MYCBP2: variants seen among roughly 807,000 people sequenced by gnomAD.
The protein encoded by MYCBP2 is E3 ubiquitin-protein ligase MYCBP2.
A neutral mutation model predicts 525.3 loss-of-function variants in MYCBP2; 120 were observed. That is an observed-to-expected ratio of 0.23 (90% CI 0.20 to 0.27). MYCBP2 has a LOEUF of 0.27. Ranked by LOEUF, MYCBP2 falls within the 10% of genes least tolerant of loss-of-function variation. MYCBP2 has a pLI of 1.00. For missense variants in MYCBP2, 4,149 were observed against 5,657.1 expected (o/e 0.73, Z 8.55); for synonymous variants, 1,894 against 1,955.8 (o/e 0.97, Z 0.83).
intron 33 of MYCBP2, 118 bp downstream of exon 33, chr13:77,181,583 C>A: frequency 1.7e-6 from 1 of 599,376 alleles, no homozygotes. Flanking sequence ...AAGCACCAAG[C>A]TAAATACGCT....
chr13:77,256,303 T>C lies in MYCBP2; in HGVS notation c.2176+1368A>G, dbSNP rs781758457. ...AAACATGTCGTGTAACAGCAGCTAATAAAAAAATGTTTGGAAAAGACTTTT... is the reference window on the plus strand; with the variant it reads ...AAACATGTCGTGTAACAGCAGCTAACAAAAAAATGTTTGGAAAAGACTTTT... On this transcript the variant is annotated intron_variant, in intron 14 of 82. Coordinates refer to ENST00000544440, the MANE Select transcript of MYCBP2 (RefSeq NM_015057.5). Among the ~76,000 whole-genome samples the C allele has an allele frequency of 9.7e-4, 147 of 151,970 alleles. 1 individual carries two copies. Among genetic ancestry groups the C allele is most frequent in the Non-Finnish European group, 1.0e-3 (68 of 67,900 alleles).
At chr13:77,287,728 G>A (rs994984146) in intron 3 of MYCBP2, among the ~76,000 whole-genome samples, 2 of 151,992 alleles carry the variant, frequency 1.3e-5, no homozygotes, top group Admixed American at 6.5e-5. Flanking sequence ...AAATAAAAAC[G>A]CATACCTGCA....
At chr13:77,133,932 C>T (rs1039983219) in intron 52 of MYCBP2, among the ~76,000 whole-genome samples, 3 of 152,140 alleles carry the variant, frequency 2.0e-5, no homozygotes, top group Admixed American at 2.0e-4. Context: ...AGAACTTCAC[C>T]CCATGTTATT....
Position 77,058,589 on chromosome 13 carries a change from G to GT in MYCBP2, c.13141-184dup, listed in dbSNP as rs879572640. ...AATATAAATTAGGCTTCTTAACAAA[G>GT]TTTTTTTTTTTTGATGCGATTTTTA... On this transcript the variant is annotated intron_variant, in intron 77 of 82. Coordinates refer to ENST00000544440, the MANE Select transcript of MYCBP2 (RefSeq NM_015057.5). This position sits in a 1 kb window ranked among gnomAD's most constrained non-coding sequence, Gnocchi z 4.1. Among the ~76,000 whole-genome samples the GT allele has an allele frequency of 2.0e-3, 284 of 144,882 alleles. No homozygotes were observed. Among genetic ancestry groups the GT allele is most frequent in the Admixed American group, 3.5e-3 (50 of 14,478 alleles).
chr13:77,147,858 G>A (rs1474460365), intron 47 of MYCBP2, among the ~76,000 whole-genome samples: 1 of 152,056 alleles, frequency 6.6e-6, no homozygotes, highest in African/African-American at 2.4e-5. Flanking sequence ...ATCTGTGAAT[G>A]GTTGATAAGG....
At chr13:77,202,403 C>T (rs1256027109) in intron 26 of MYCBP2, among the ~76,000 whole-genome samples, 1 of 152,190 alleles carries the variant, frequency 6.6e-6, no homozygotes, top group Non-Finnish European at 1.5e-5. Flanking sequence ...CAATAATCAA[C>T]AGCTTACCAA....
chr13:77,310,077 A>T (rs909806743), intron 1 of MYCBP2, among the ~76,000 whole-genome samples: 4 of 152,138 alleles, frequency 2.6e-5, no homozygotes, highest in African/African-American at 9.7e-5. Context: ...GCCCCACTGC[A>T]CTCCAGCCTG....
chr13:77,098,535 A>G lies in MYCBP2; in HGVS notation c.8619T>C (p.Ser2873=). 6.2e-7 allele frequency: 1 copy of G among 1,613,692 alleles called. No individual in the cohort carries two copies. Among genetic ancestry groups the G allele is most frequent in the Non-Finnish European group, 8.5e-7 (1 of 1,179,830 alleles). ...GGAGGGTATCTGGATCAAGTGTGTA[A>G]GAGTCTGATTTAGAACGTTCCCGAG... is the stretch of plus-strand genomic sequence containing the variant. The part of the protein sequence containing the change: ...DPPRERSKSD[S]YTLDPDTLRK... The change falls in exon 56 of 83, where the codon TCT becomes TCC. Residue 2873 remains serine (S), a synonymous_variant. Coordinates refer to ENST00000544440, the MANE Select transcript of MYCBP2 (RefSeq NM_015057.5).
At chr13:77,103,494 G>A (rs1463094109) in intron 55 of MYCBP2, among the ~76,000 whole-genome samples, 1 of 152,000 alleles carries the variant, frequency 6.6e-6, no homozygotes, top group Non-Finnish European at 1.5e-5. Context: ...AACAAAGGTC[G>A]AATTAATTAA....
At chr13:77,246,529 A>T (rs1379009291) in intron 15 of MYCBP2, among the ~76,000 whole-genome samples, 2 of 150,776 alleles carry the variant, frequency 1.3e-5, no homozygotes, top group African/African-American at 4.9e-5. Context: ...AGAAGGAGGA[A>T]AAGAAGGAGA....
intron 23 of MYCBP2, among the ~76,000 whole-genome samples, chr13:77,210,735 GAATTCTATAC>G (rs1250981126): frequency 6.6e-6 from 1 of 152,048 alleles, no homozygotes; most frequent in African/African-American, 2.4e-5. Context: ...AAAATAGAAT[GAATTCTATAC>G]AATATAAACA....
intron 19 of MYCBP2, among the ~76,000 whole-genome samples, 185 bp from the exon 20 acceptor site, chr13:77,224,717 T>C (rs1049888671): frequency 6.6e-6 from 1 of 152,174 alleles, no homozygotes; most frequent in Non-Finnish European, 1.5e-5. Flanking sequence ...TTTTTGTAGG[T>C]CATATAAATG....
At chr13:77,097,196 T>C (rs927852) in intron 56 of MYCBP2, among the ~76,000 whole-genome samples, 174 bp downstream of exon 56, 84,919 of 152,104 alleles carry the variant, frequency 0.56, 27,773 homozygotes, top group Non-Finnish European at 0.73. Context: ...ATCATAATAT[T>C]AGAATTTATC....
chr13:77,093,508 A>G (rs1322937235), intron 58 of MYCBP2, among the ~76,000 whole-genome samples, 176 bp from the exon 59 acceptor site: 1 of 152,214 alleles, frequency 6.6e-6, no homozygotes, highest in Non-Finnish European at 1.5e-5. Context: ...TTATTCATCA[A>G]CATTCCAGGT....
rs1281213942 is a variant in MYCBP2 at position 77,067,839 on chromosome 13, A to G, written c.12197T>C (p.Leu4066Ser). ...CAGACGACTAGGGGTTACTTCAGGC[A>G]AAACTCTTCTTAGTAAAGAGGTTAC... ...RQVTSLLRRV[L>S]PEVTPSRLAS... Residue 4066 changes from leucine to serine, a missense_variant, in exon 71 of 83, where the codon TTG (leucine) becomes TCG (serine). Transcript: ENST00000544440. 6.2e-7 allele frequency: 1 copy of G among 1,613,682 alleles called. No homozygotes were observed. Among genetic ancestry groups the G allele is most frequent in the Non-Finnish European group, 8.5e-7 (1 of 1,179,754 alleles).
chr13:77,229,157 C>T (rs974880178), intron 18 of MYCBP2, among the ~76,000 whole-genome samples: 2 of 152,186 alleles, frequency 1.3e-5, no homozygotes, highest in African/African-American at 4.8e-5. Context: ...TGTATGACAA[C>T]TGGACACTGG....
chr13:77,102,027 G>A (rs2047146316), intron 55 of MYCBP2, among the ~76,000 whole-genome samples: 1 of 151,720 alleles, frequency 6.6e-6, no homozygotes, highest in South Asian at 2.1e-4. Context: ...AACTTTAAAG[G>A]AAACCTGAAG....
rs1288885339 is a variant in MYCBP2 at position 77,185,208 on chromosome 13, G to T, written c.4614C>A (p.Val1538=). The change falls in exon 32 of 83, where the codon GTC becomes GTA. Residue 1538 remains valine, a synonymous_variant. Coordinates refer to ENST00000544440, the MANE Select transcript of MYCBP2 (RefSeq NM_015057.5). ...LSQPLSLLEA[V]LQECHNTFTA... ...TGAAAGTATTATGACATTCCTGAAG[G>T]ACAGCTTCTAGAAGACTCAAGGGTT... 11 of 1,614,074 alleles carry T rather than the reference G, an allele frequency of 6.8e-6. No individual in the cohort carries two copies. Among genetic ancestry groups the T allele is most frequent in the Non-Finnish European group, 8.5e-6 (10 of 1,179,970 alleles).
intron 58 of MYCBP2, among the ~76,000 whole-genome samples, 157 bp from the exon 59 acceptor site, chr13:77,093,489 C>T (rs564482349): frequency 6.6e-6 from 1 of 152,150 alleles, no homozygotes; most frequent in Non-Finnish European, 1.5e-5. Context: ...AAATAAAAGT[C>T]TGATAATTTT....
Sources: allele counts gnomAD v4.1 joint callset (sites outside exome capture counted in the v4.1 genomes callset), GRCh38; gene constraint gnomAD v4.1.1; non-coding constraint Gnocchi (gnomAD v3.1); transcripts MANE v1.5; gene names NCBI Gene and HGNC (gene_info 2026-07-23, HGNC 2026-07-21).